CARS2: variants seen among roughly 807,000 people sequenced by gnomAD.
CARS2 encodes cysteinyl-tRNA synthetase 2, mitochondrial, also known as probable cysteine--tRNA ligase, mitochondrial.
Under a neutral mutation model 68.8 loss-of-function variants are expected in CARS2, and 52 were observed. The observed-to-expected ratio is 0.76, with a 90% CI of 0.61 to 0.95. The LOEUF (loss-of-function observed/expected upper bound fraction) is 0.95. Ranked by LOEUF, CARS2 falls within the 40% of genes least tolerant of loss-of-function variation. The pLI, the probability that CARS2 is intolerant of heterozygous loss-of-function variation, is 0.00. For synonymous variants in CARS2, 314 were observed against 303.6 expected, an observed-to-expected ratio of 1.03 and a Z score of -0.36; for missense variants, 780 against 754.2, an observed-to-expected ratio of 1.03 and a Z score of -0.40.
In CARS2 at chr13:110,651,077, G is replaced by A. The variant is rs142857490; in HGVS notation, c.1011C>T (p.Pro337=). ...GCAGGCAGAAGAACCGGAAGACATC[G>A]GGGGAAAAGGTCTTCAGAAAGTCCT... is the stretch of plus-strand genomic sequence containing the variant. The part of the protein sequence containing the change: ...TIKDFLKTFS[P]DVFRFFCLRS... Residue 337 remains proline, a synonymous_variant, in exon 10 of 15, where the codon CCC becomes CCT. Coordinates refer to ENST00000257347, the MANE Select transcript of CARS2 (RefSeq NM_024537.4). 5.7e-5 allele frequency: 92 copies of A among 1,613,348 alleles called. 1 individual carries two copies. Among genetic ancestry groups the A allele is most frequent in the Middle Eastern group, 1.7e-4 (1 of 6,054 alleles).
chr13:110,700,039 C>T (rs567190979), intron 3 of CARS2, among the ~76,000 whole-genome samples: 131 of 152,350 alleles, frequency 8.6e-4, no homozygotes, highest in African/African-American at 3.0e-3. Context: ...GGTACTTGCC[C>T]AGAGATAGCT....
At chr13:110,689,868 T>C (rs1370738192) in intron 3 of CARS2, among the ~76,000 whole-genome samples, 1 of 152,148 alleles carries the variant, frequency 6.6e-6, no homozygotes, top group Non-Finnish European at 1.5e-5. Flanking sequence ...AACCCAAAAG[T>C]ACTGTGTCTT....
chr13:110,654,121 C>A (rs2062299668), intron 9 of CARS2, among the ~76,000 whole-genome samples: 1 of 152,336 alleles, frequency 6.6e-6, no homozygotes, highest in African/African-American at 2.4e-5. Context: ...TCACAGGGAG[C>A]CCGCTGGGTA....
At chr13:110,681,566 C>T (rs1364350507) in intron 6 of CARS2, among the ~76,000 whole-genome samples, 4 of 152,180 alleles carry the variant, frequency 2.6e-5, no homozygotes, top group Non-Finnish European at 5.9e-5. Context: ...TAAGCCTCTT[C>T]CCAGAGGACC....
At chr13:110,657,438 A>G (rs1169396536) in intron 9 of CARS2, among the ~76,000 whole-genome samples, 2 of 152,212 alleles carry the variant, frequency 1.3e-5, no homozygotes, top group African/African-American at 2.4e-5. Context: ...AGGCAGGTGC[A>G]GGAGGGCACA....
chr13:110,641,742 A>G (rs1232926336), intron 14 of CARS2, 134 bp from the exon 15 acceptor site: 16 of 747,960 alleles, frequency 2.1e-5, no homozygotes, highest in Non-Finnish European at 3.8e-5. Flanking sequence ...GGCGCTTAGA[A>G]AGGGCCCCAC....
In CARS2 at chr13:110,644,488, A is replaced by C; in HGVS notation, c.1318-5T>G. ...ACTTCTCGGCCCTTCAGGTTCCTGT[A>C]AGAGATCATGTCGCAGAAGCTCCTT... On this transcript the variant is annotated splice_polypyrimidine_tract_variant and splice_region_variant and intron_variant, in intron 12 of 14. Transcript: ENST00000257347. The C allele has an allele frequency of 6.2e-7, 1 of 1,613,932 alleles. No homozygotes were observed. The highest frequency in any genetic ancestry group is 8.5e-7 in the Non-Finnish European group (1 of 1,179,958).
At chr13:110,712,672 C>T in intron 1 of CARS2, 1 of 652,532 alleles carries the variant, frequency 1.5e-6, no homozygotes, top group Non-Finnish European at 2.8e-6. Context: ...GCTGAATGGC[C>T]TCAGGACGCC....
rs937009417 is a variant in CARS2 at position 110,691,123 on chromosome 13, C to T, written c.394-3105G>A. 6.6e-5 allele frequency among the ~76,000 whole-genome samples: 10 copies of T among 152,340 alleles called. No homozygotes were observed. In the East Asian group the frequency reaches 1.9e-3, roughly 29 times the overall value. ...CTCCGCCTCCCGGGCTCAAGCGATG[C>T]TCCTGTCTCAGCCTCCCAAGTAGCT... On this transcript the variant is annotated intron_variant, in intron 3 of 14. Coordinates refer to ENST00000257347, the MANE Select transcript of CARS2 (RefSeq NM_024537.4).
chr13:110,701,290 C>G, intron 3 of CARS2, 148 bp downstream of exon 3: 1 of 575,086 alleles, frequency 1.7e-6, no homozygotes, highest in Non-Finnish European at 3.1e-6. Context: ...CCTCAAACTC[C>G]TGACCTCAAG....
At chr13:110,648,795 C>T (rs1282835327) in intron 10 of CARS2, 2 of 152,202 alleles carry the variant, frequency 1.3e-5, no homozygotes, top group East Asian at 3.9e-4. Context: ...TCTTTTCAGA[C>T]CAAACTTCGT....
chr13:110,700,219 T>C (rs981457035), intron 3 of CARS2, among the ~76,000 whole-genome samples: 1 of 152,128 alleles, frequency 6.6e-6, no homozygotes, highest in African/African-American at 2.4e-5. Flanking sequence ...GTCAAGGACA[T>C]GAGACAGGGA....
At chr13:110,672,795 T>C (rs1401913454) in intron 7 of CARS2, among the ~76,000 whole-genome samples, 1 of 152,048 alleles carries the variant, frequency 6.6e-6, no homozygotes, top group Non-Finnish European at 1.5e-5. Context: ...TTTGAAAAGA[T>C]CAACAAAATT....
intron 1 of CARS2, chr13:110,712,428 G>C (rs1001531158): frequency 4.9e-5 from 9 of 184,986 alleles, no homozygotes; most frequent in Non-Finnish European, 1.0e-4. Context: ...GGCCGCAGCG[G>C]GGCGGAGGCC....
Position 110,641,731 on chromosome 13 carries a change from A to G in CARS2, c.1624-123T>C, listed in dbSNP as rs1887329418. On this transcript the variant is annotated intron_variant, in intron 14 of 14. Coordinates refer to ENST00000257347, the MANE Select transcript of CARS2 (RefSeq NM_024537.4). ...ACCGGCCTGTCCTAAAAAGCTTGCCAGGCGCTTAGAAAGGGCCCCACTACC... is the reference window on the plus strand; with the variant it reads ...ACCGGCCTGTCCTAAAAAGCTTGCCGGGCGCTTAGAAAGGGCCCCACTACC... 7 of 803,122 alleles carry G rather than the reference A, an allele frequency of 8.7e-6. No homozygotes were observed. In the East Asian group the frequency reaches 1.7e-4, roughly 20 times the overall value. 49.7% of individuals were successfully genotyped at this position (803,122 alleles called of 1,614,324 possible). A position where few individuals can be genotyped will look rare whatever the true frequency, so the allele number is the denominator to read the frequency against.
rs568213279 is a variant in CARS2, at chr13:110,668,662, G to A, written c.786-1189C>T. 6.6e-6 allele frequency among the ~76,000 whole-genome samples: 1 copy of A among 152,142 alleles called. No individual in the cohort carries two copies. The highest frequency in any genetic ancestry group is 6.6e-5 in the Admixed American group (1 of 15,266). On this transcript the variant is annotated intron_variant, in intron 7 of 14. Transcript: ENST00000257347. The surrounding 1 kb of genome is among the most constrained non-coding windows in gnomAD (Gnocchi z 4.1). Reference sequence around the variant, plus strand: ...ACCAGGAGTGGGGAGGGGATGGGAGGGGCCTCATTTGTATTTGGATGGGCA... The same window carrying A: ...ACCAGGAGTGGGGAGGGGATGGGAGAGGCCTCATTTGTATTTGGATGGGCA...
rs867920270 is a variant in CARS2, at chr13:110,705,951, C to T, written c.143G>A (p.Arg48Gln). The T allele has an allele frequency of 3.9e-6, 6 of 1,555,344 alleles. No individual in the cohort carries two copies. In the East Asian group the frequency reaches 1.2e-4, roughly 31 times the overall value. The stretch of plus-strand genomic sequence containing the variant: ...GTTGTACACCTGCACACCCGTCTCC[C>T]GGCCCGTGGGCTGCAGCCAGGCCCG... ...RGRAWLQPTG[R>Q]ETGVQVYNSL... The change falls in exon 1 of 15, where the codon CGG becomes CAG. Residue 48 changes from arginine (R) to glutamine (Q), a missense_variant. Transcript: ENST00000257347. The surrounding 1 kb of genome is among the most constrained non-coding windows in gnomAD (Gnocchi z 4.0).
intron 2 of CARS2, 35 bp from the exon 3 acceptor site, chr13:110,701,590 C>T (rs1367964472): frequency 5.5e-6 from 5 of 908,910 alleles, no homozygotes; most frequent in Admixed American, 1.7e-5. Context: ...GTCTTTATTA[C>T]ACAAAGTCAT....
At chr13:110,642,772 G>T (rs767791882) in intron 13 of CARS2, 5 of 729,220 alleles carry the variant, frequency 6.9e-6, no homozygotes, top group African/African-American at 3.4e-5. Flanking sequence ...TCGGGAGTTG[G>T]AAGAAAGGGC....
Sources: gnomAD v4.1 joint callset for allele counts (sites outside exome capture counted in the v4.1 genomes callset) on GRCh38, gnomAD v4.1.1 for gene constraint, Gnocchi (gnomAD v3.1) non-coding constraint, MANE v1.5 for transcripts, NCBI Gene and HGNC (gene_info 2026-07-23, HGNC 2026-07-21) for gene names.